The following USP33 variants were observed in gnomAD, a reference collection of about 807,000 sequenced individuals.
USP33 encodes the protein ubiquitin specific peptidase 33.
Under a neutral mutation model 124.2 loss-of-function variants are expected in USP33, and 46 were observed. The ratio of observed to expected loss-of-function variants is 0.37; its 90% CI spans 0.29 to 0.47. USP33 has a LOEUF of 0.47. USP33 is among the 20% of genes least tolerant of loss of function. The pLI is 0.99. For synonymous variants in USP33, 350 were observed against 352.3 expected, an observed-to-expected ratio of 0.99 and a Z score of 0.07; for missense variants, 851 against 1,070.6, an observed-to-expected ratio of 0.79 and a Z score of 2.86.
chr1:77,722,314 CA>C (rs112955313), intron 12 of USP33, 118 bp from the exon 13 acceptor site: 246 of 730,942 alleles, frequency 3.4e-4, no homozygotes, highest in South Asian at 5.0e-4. Flanking sequence ...AAACAAAAAA[CA>C]AAAAAAAACA....
intron 12 of USP33, among the ~76,000 whole-genome samples, chr1:77,722,972 T>G (rs1676743047): frequency 6.6e-6 from 1 of 152,222 alleles, no homozygotes. Context: ...CATTCACAGC[T>G]TTGTACCTGT....
intron 17 of USP33, among the ~76,000 whole-genome samples, chr1:77,717,000 G>A (rs1675990997): frequency 6.6e-6 from 1 of 151,686 alleles, no homozygotes; most frequent in Non-Finnish European, 1.5e-5. Context: ...CGAGTAGCTG[G>A]GATTACAGGC....
intron 11 of USP33, among the ~76,000 whole-genome samples, chr1:77,725,054 A>C (rs1442512094): frequency 2.6e-5 from 4 of 152,176 alleles, no homozygotes; most frequent in East Asian, 1.9e-4. Context: ...CAAAACAAAA[A>C]AAAAGAAACA....
intron 7 of USP33, 125 bp downstream of exon 7, chr1:77,734,222 T>C (rs1270565222): frequency 1.4e-5 from 10 of 720,278 alleles, no homozygotes; most frequent in Non-Finnish European, 2.3e-5. Flanking sequence ...GAATGGGTTA[T>C]GTCCCAAACC....
intron 4 of USP33, 24 bp downstream of exon 4, chr1:77,740,852 TC>T: frequency 6.6e-7 from 1 of 1,520,984 alleles, no homozygotes; most frequent in Non-Finnish European, 8.9e-7. Flanking sequence ...TAACAAGTCT[TC>T]CATTAAATTT....
At chr1:77,703,476 T>C (rs1364693519) in intron 21 of USP33, among the ~76,000 whole-genome samples, 3 of 151,918 alleles carry the variant, frequency 2.0e-5, no homozygotes, top group Non-Finnish European at 4.4e-5. Context: ...ATACAAAAAT[T>C]AGCTAGGCAT....
intron 22 of USP33, 144 bp from the exon 23 acceptor site, chr1:77,698,075 T>G (rs1425923360): frequency 1.2e-5 from 7 of 605,686 alleles, no homozygotes; most frequent in Non-Finnish European, 1.9e-5. Context: ...ATTCTTTTTT[T>G]TTTTTTTTGA....
In USP33 at chr1:77,751,248, T is replaced by G. The variant is rs114829291; in HGVS notation, c.-52+8395A>C. ...CTACTGGAAGTTTTCTCACCAATAA[T>G]GATGGCAGCAACACCAACTGAAAAT... On this transcript the variant is annotated intron_variant, in intron 1 of 23. Coordinates refer to ENST00000370794, the MANE Select transcript of USP33 (RefSeq NM_201624.3). Among the ~76,000 whole-genome samples, 629 of 152,286 alleles carry G rather than the reference T, an allele frequency of 4.1e-3. 3 individuals are homozygous for G. Among genetic ancestry groups the G allele is most frequent in the African/African-American group, 0.014 (595 of 41,564 alleles).
chr1:77,697,110 G>T lies in USP33; in HGVS notation c.*207C>A. ...AAAAAATTACACTGAAAGACTTTAT[G>T]GTAAGTATTTAAAACTAAATATACC... On this transcript the variant is annotated 3_prime_UTR_variant, in exon 24 of 24. Transcript: ENST00000370794. The T allele has an allele frequency of 2.3e-6, 1 of 428,976 alleles. No individual in the cohort carries two copies. Among genetic ancestry groups the T allele is most frequent in the Non-Finnish European group, 4.0e-6 (1 of 250,252 alleles). The allele number at this position is 428,976 out of a possible 1,614,324, so 26.6% of individuals were successfully genotyped here.
chr1:77,722,250 T>C (rs949366644), intron 12 of USP33, 54 bp from the exon 13 acceptor site: 2 of 1,468,628 alleles, frequency 1.4e-6, no homozygotes, highest in African/African-American at 1.4e-5. Context: ...GTAAAACATT[T>C]CCAAGGTTAG....
At chr1:77,722,377 A>G (rs1676666756) in intron 12 of USP33, 181 bp from the exon 13 acceptor site, 1 of 596,748 alleles carries the variant, frequency 1.7e-6, no homozygotes, top group Non-Finnish European at 2.8e-6. Context: ...AAACAAAAAC[A>G]AAAAACAAAA....
rs904610052 is a variant in USP33, at chr1:77,741,365, C to A, written c.135+11G>T. ...TTATAGCAATCTTTTCAGGAAAAAA[C>A]ATATACACACCTCCAGACATGCCCA... On this transcript the variant is annotated intron_variant, in intron 3 of 23. Coordinates refer to ENST00000370794, the MANE Select transcript of USP33 (RefSeq NM_201624.3). The A allele has an allele frequency of 1.3e-5, 21 of 1,594,318 alleles. No individual in the cohort carries two copies. Among genetic ancestry groups the A allele is most frequent in the Non-Finnish European group, 1.8e-5 (21 of 1,174,670 alleles).
At chr1:77,700,051 G>T (rs1365908573) in intron 22 of USP33, among the ~76,000 whole-genome samples, 1 of 152,022 alleles carries the variant, frequency 6.6e-6, no homozygotes, top group Non-Finnish European at 1.5e-5. Context: ...GGGGGTTGAG[G>T]GATGAGGGGT....
intron 1 of USP33, among the ~76,000 whole-genome samples, chr1:77,751,877 A>G (rs1570874721): frequency 6.6e-6 from 1 of 151,808 alleles, no homozygotes; most frequent in African/African-American, 2.4e-5. Context: ...TCCAGTAGAG[A>G]TGGGGTTTCA....
At chr1:77,758,439 G>A (rs1376277296) in intron 1 of USP33, among the ~76,000 whole-genome samples, 1 of 152,108 alleles carries the variant, frequency 6.6e-6, no homozygotes, top group African/African-American at 2.4e-5. Flanking sequence ...CTCCCAGAGT[G>A]CTGGGATTAC....
At chr1:77,743,841 T>C (rs753362140) in intron 1 of USP33, among the ~76,000 whole-genome samples, 2 of 152,068 alleles carry the variant, frequency 1.3e-5, no homozygotes, top group African/African-American at 2.4e-5. Flanking sequence ...TTTAAAAAGT[T>C]CAAAAAGGGC....
At chr1:77,744,288 C>G (rs999652049) in intron 1 of USP33, among the ~76,000 whole-genome samples, 1 of 151,980 alleles carries the variant, frequency 6.6e-6, no homozygotes, top group African/African-American at 2.4e-5. Context: ...GACAGGCATT[C>G]TAAGAAGGAA....
At chr1:77,746,420 C>CG (rs1452949489) in intron 1 of USP33, 1 of 152,316 alleles carries the variant, frequency 6.6e-6, no homozygotes, top group East Asian at 1.9e-4. Flanking sequence ...CAGGACCAGA[C>CG]GGATTCACAG....
At chr1:77,705,546 T>A (rs1292305065) in intron 21 of USP33, among the ~76,000 whole-genome samples, 21 of 151,942 alleles carry the variant, frequency 1.4e-4, no homozygotes, top group African/African-American at 4.6e-4. Flanking sequence ...TAGGCTGGAG[T>A]GCAGGGTCAT....
Sources: gnomAD v4.1 joint callset for allele counts (sites outside exome capture counted in the v4.1 genomes callset) on GRCh38, gnomAD v4.1.1 for gene constraint, MANE v1.5 for transcripts, NCBI Gene and HGNC (gene_info 2026-07-23, HGNC 2026-07-21) for gene names.